SLC39A4: variants seen among roughly 807,000 people sequenced by gnomAD.
SLC39A4 encodes the protein solute carrier family 39 member 4, also known as zinc transporter ZIP4.
In SLC39A4, 49 loss-of-function variants were observed where a neutral mutation model predicts 56.6. That is an observed-to-expected ratio of 0.87 (90% CI 0.69 to 1.10). SLC39A4 has a LOEUF of 1.10. Among genes scored for constraint, SLC39A4 ranks in the 50% least tolerant of loss-of-function variants. SLC39A4 has a pLI of 0.00. For missense variants in SLC39A4, 993 were observed against 864.2 expected (o/e 1.15, Z -1.87); for synonymous variants, 540 against 420.4 (o/e 1.28, Z -3.48).
Position 144,412,932 on chromosome 8 carries a change from A to T in SLC39A4, c.1642T>A (p.Leu548Met), listed in dbSNP as rs370624133. 6.2e-7 allele frequency: 1 copy of T among 1,602,824 alleles called. No homozygotes were observed. The highest frequency in any genetic ancestry group is 2.2e-5 in the East Asian group (1 of 44,690). The change falls in exon 11 of 12, where the codon TTG becomes ATG. Residue 548 changes from leucine to methionine, a missense_variant. Coordinates refer to ENST00000301305, the MANE Select transcript of SLC39A4 (RefSeq NM_130849.4). ...CGCACGGACAGCCCCGCGTGCAGCA[A>T]GGCGGCGAAGTCCCCTGCGGGCGAG... ...LPHELGDFAA[L>M]LHAGLSVRQA...
At chr8:144,414,238 G>T (rs782066505) in intron 6 of SLC39A4, 24 bp downstream of exon 6, 1 of 1,604,062 alleles carries the variant, frequency 6.2e-7, no homozygotes, top group South Asian at 1.1e-5. Context: ...GGAGGGCCAG[G>T]GTCGCGGGTT....
rs1419286141 is a variant in SLC39A4, at chr8:144,414,357, C to T, written c.1054G>A (p.Gly352Ser). 5 of 1,588,912 alleles carry T rather than the reference C, an allele frequency of 3.1e-6. No homozygotes were observed. The African/African-American group carries it at 5.4e-5, about 17-fold the overall frequency. ...ATGTAGTGGGTGACCCCCCTGCAGC[C>T]AGTGCAGGTCAGCAGCAGGAGGCCA... Reference protein sequence around the residue: ...VFGLLLLTCTGCRGVTHYILQ... With the variant: ...VFGLLLLTCTSCRGVTHYILQ... The change falls in exon 6 of 12, where the codon GGC (glycine) becomes AGC (serine). Residue 352 changes from glycine to serine, a missense_variant. Coordinates refer to ENST00000301305, the MANE Select transcript of SLC39A4 (RefSeq NM_130849.4).
In SLC39A4 at chr8:144,413,396, G is replaced by A. The variant is rs1554872327; in HGVS notation, c.1475-7C>T. 1.9e-6 allele frequency: 3 copies of A among 1,608,862 alleles called. No individual in the cohort carries two copies. The highest frequency in any genetic ancestry group is 1.3e-5 in the African/African-American group (1 of 75,026). ...TAGGGCAGTAGCCTCAACTCTGCGG[G>A]CGCAGAGGCCCGTGGGTTCGCGTGG... On this transcript the variant is annotated splice_region_variant and splice_polypyrimidine_tract_variant and intron_variant, in intron 9 of 11. Coordinates refer to ENST00000301305, the MANE Select transcript of SLC39A4 (RefSeq NM_130849.4).
Position 144,416,715 on chromosome 8 carries a change from A to T in SLC39A4, c.75T>A (p.Pro25=). ...AGGTGAGCAGGCTCAGCAGACCAGC[A>T]GGCGGGGACGCCGTCGCCGTCACCA... is the stretch of plus-strand genomic sequence containing the variant. The part of the protein sequence containing the change: ...VLVVTATASP[P]AGLLSLLTSG... The change falls in exon 1 of 12, where the codon CCT becomes CCA. Residue 25 remains proline (P), a synonymous_variant. Transcript: ENST00000301305. The T allele has an allele frequency of 6.2e-7, 1 of 1,612,684 alleles. No individual in the cohort carries two copies. Among genetic ancestry groups the T allele is most frequent in the Non-Finnish European group, 8.5e-7 (1 of 1,179,822 alleles).
chr8:144,416,640 C>T lies in SLC39A4; in HGVS notation c.150G>A (p.Thr50=), dbSNP rs541710271. Residue 50 remains threonine (T), a synonymous_variant, in exon 1 of 12, where the codon ACG becomes ACA. Coordinates refer to ENST00000301305, the MANE Select transcript of SLC39A4 (RefSeq NM_130849.4). ...DQEALGGLLN[T]LADRVHCANG... ...TGGCGCAGTGCACACGGTCCGCCAG[C>T]GTATTTAACAGGCCGCCCAGAGCCT... The T allele has an allele frequency of 3.6e-5, 58 of 1,607,250 alleles. 1 individual carries two copies. The South Asian group carries it at 4.7e-4, about 13-fold the overall frequency.
rs267601825 is a variant in SLC39A4 at position 144,412,618 on chromosome 8, G to A, written c.1864C>T (p.Leu622=). Reference sequence around the variant, plus strand: ...CCCAGCAGGCCCACGTTGTGCAGCAGGAAGAGGAGCCAGGGCCGCGGGTCC... The same window carrying A: ...CCCAGCAGGCCCACGTTGTGCAGCAAGAAGAGGAGCCAGGGCCGCGGGTCC... ...VRDPRPWLLF[L]LHNVGLLGGW... Residue 622 remains leucine, a synonymous_variant, in exon 12 of 12, where the codon CTG becomes TTG. Transcript: ENST00000301305. 12 of 1,614,032 alleles carry A rather than the reference G, an allele frequency of 7.4e-6. No individual in the cohort carries two copies. Among genetic ancestry groups the A allele is most frequent in the African/African-American group, 1.3e-5 (1 of 74,932 alleles).
Position 144,412,672 on chromosome 8 carries a change from G to A in SLC39A4, c.1816-6C>T, listed in dbSNP as rs1821928297. 1 of 1,613,830 alleles carries A rather than the reference G, an allele frequency of 6.2e-7. No individual in the cohort carries two copies. The highest frequency in any genetic ancestry group is 8.5e-7 in the Non-Finnish European group (1 of 1,179,950). On this transcript the variant is annotated splice_polypyrimidine_tract_variant and splice_region_variant and intron_variant, in intron 11 of 11. Transcript: ENST00000301305. ...ACTTTCAACATCGCCGGGAGCTGAG[G>A]AGCAAGTGGGCACCGGGTCAGCGCC... is the stretch of plus-strand genomic sequence containing the variant.
intron 8 of SLC39A4, 59 bp downstream of exon 8, chr8:144,413,691 G>C: frequency 6.5e-7 from 1 of 1,536,746 alleles, no homozygotes; most frequent in Non-Finnish European, 8.7e-7. Context: ...GAGTGTGGGC[G>C]TGGGAAGGGG....
intron 3 of SLC39A4, 54 bp from the exon 4 acceptor site, chr8:144,415,164 C>T: frequency 2.5e-6 from 4 of 1,612,772 alleles, no homozygotes; most frequent in South Asian, 2.2e-5. Context: ...GGCCCTGCCC[C>T]CCAGGGACGT....
chr8:144,412,737 C>A, intron 11 of SLC39A4, 22 bp downstream of exon 11: 2 of 1,613,320 alleles, frequency 1.2e-6, no homozygotes, highest in Non-Finnish European at 1.7e-6. Flanking sequence ...CCCAGAGCAG[C>A]CCCTCCCCTC....
chr8:144,414,184 A>T, intron 6 of SLC39A4, 78 bp downstream of exon 6: 3 of 1,575,610 alleles, frequency 1.9e-6, no homozygotes, highest in Non-Finnish European at 2.6e-6. Context: ...TGGGGTGGGT[A>T]AGGTCCCTGG....
At chr8:144,413,647 G>T in intron 8 of SLC39A4, 80 bp from the exon 9 acceptor site, 1 of 1,545,436 alleles carries the variant, frequency 6.5e-7, no homozygotes, top group Admixed American at 2.0e-5. Flanking sequence ...AGATCACCGC[G>T]GGAGGCGGAG....
At chr8:144,412,721 T>A in intron 11 of SLC39A4, 38 bp downstream of exon 11, 1 of 1,613,326 alleles carries the variant, frequency 6.2e-7, no homozygotes, top group Non-Finnish European at 8.5e-7. Context: ...TCTGCTCAGC[T>A]CCCGGCCCAG....
intron 2 of SLC39A4, among the ~76,000 whole-genome samples, 181 bp downstream of exon 2, chr8:144,415,629 C>T (rs1483823106): frequency 6.6e-6 from 1 of 152,178 alleles, no homozygotes; most frequent in African/African-American, 2.4e-5. Flanking sequence ...CCTCCCGGGG[C>T]TCCTACAGGC....
At chr8:144,416,541 G>T (rs1428473223) in intron 1 of SLC39A4, 57 bp downstream of exon 1, 3 of 1,536,268 alleles carry the variant, frequency 2.0e-6, no homozygotes, top group Non-Finnish European at 2.6e-6. Flanking sequence ...CCGGCTGGCA[G>T]GGCGGAGCTG....
chr8:144,415,199 C>T (rs1822118698), intron 3 of SLC39A4, 28 bp downstream of exon 3: 7 of 1,612,556 alleles, frequency 4.3e-6, no homozygotes, highest in South Asian at 2.2e-5. Context: ...CGGGGGTGCC[C>T]CCCTCCACAG....
rs1042831645 is a variant in SLC39A4, at chr8:144,416,020, C to T, written c.264G>A (p.Leu88=). ...TGAGGCGGGCGACGTACCTGGCCTC[C>T]AGGACCGGGCCCGGGGGCAGCCCTG... ...EGSGLPPGPV[L]EARYVARLSA... is the part of the protein sequence containing the mutation. The change falls in exon 2 of 12, where the codon CTG becomes CTA. Residue 88 remains leucine (L), a synonymous_variant. Coordinates refer to ENST00000301305, the MANE Select transcript of SLC39A4 (RefSeq NM_130849.4). 35 of 1,579,248 alleles carry T rather than the reference C, an allele frequency of 2.2e-5. No homozygotes were observed. The highest frequency in any genetic ancestry group is 1.7e-4 in the Middle Eastern group (1 of 6,028).
chr8:144,415,960 C>T lies in SLC39A4; in HGVS notation c.324G>A (p.Glu108=), dbSNP rs149365806. ...AAAVLYLSNP[E]GTCEDARAGL... Reference sequence around the variant, plus strand: ...CAGCCCGAGCGTCCTCACAGGTGCCCTCGGGGTTGCTGAGGTACAGGACGG... The same window carrying T: ...CAGCCCGAGCGTCCTCACAGGTGCCTTCGGGGTTGCTGAGGTACAGGACGG... Residue 108 remains glutamate, a synonymous_variant, in exon 2 of 12, where the codon GAG becomes GAA. Transcript: ENST00000301305. 81 of 1,595,106 alleles carry T rather than the reference C, an allele frequency of 5.1e-5. No individual in the cohort carries two copies. In the African/African-American group the frequency reaches 9.9e-4, roughly 19 times the overall value.
At chr8:144,413,638 G>A in intron 8 of SLC39A4, 71 bp from the exon 9 acceptor site, 1 of 1,546,408 alleles carries the variant, frequency 6.5e-7, no homozygotes, top group Non-Finnish European at 8.7e-7. Context: ...CGGGGCCCCA[G>A]ATCACCGCGG....
Sources: gnomAD v4.1 joint callset for allele counts (sites outside exome capture counted in the v4.1 genomes callset) on GRCh38, gnomAD v4.1.1 for gene constraint, MANE v1.5 for transcripts, NCBI Gene and HGNC (gene_info 2026-07-23, HGNC 2026-07-21) for gene names.